The following PIP4P2 variants were observed in gnomAD, a reference collection of about 807,000 sequenced individuals.
The protein encoded by PIP4P2 is phosphatidylinositol-4,5-bisphosphate 4-phosphatase 2, also known as type 2 phosphatidylinositol 4,5-bisphosphate 4-phosphatase.
Under a neutral mutation model 33.3 loss-of-function variants are expected in PIP4P2, and 19 were observed. That is an observed-to-expected ratio of 0.57 (90% CI 0.40 to 0.84). The LOEUF (loss-of-function observed/expected upper bound fraction) is 0.84. PIP4P2 is among the 40% of genes least tolerant of loss of function. The pLI, the probability that PIP4P2 is intolerant of heterozygous loss-of-function variation, is 0.00. For missense variants in PIP4P2, 270 were observed against 324.7 expected (o/e 0.83, Z 1.29); for synonymous variants, 110 against 111.9 (o/e 0.98, Z 0.11).
intron 1 of PIP4P2, among the ~76,000 whole-genome samples, chr8:91,025,867 C>A (rs989977787): frequency 6.6e-6 from 1 of 152,190 alleles, no homozygotes. Flanking sequence ...TGTCACACTT[C>A]TCCAGTTCAG....
chr8:91,011,019 G>GAGATAGATGATAGAT (rs5893155), intron 4 of PIP4P2, among the ~76,000 whole-genome samples: 12 of 145,276 alleles, frequency 8.3e-5, no homozygotes, highest in African/African-American at 2.6e-4. Flanking sequence ...GTATCTTACT[G>GAGATAGATGATAGAT]AGATAGATAG....
chr8:91,003,924 T>C (rs1811732322), intron 5 of PIP4P2, among the ~76,000 whole-genome samples: 2 of 149,394 alleles, frequency 1.3e-5, no homozygotes. Flanking sequence ...TAGTCAGGGT[T>C]CTCCAGAAAG....
chr8:91,013,803 G>C (rs1811871939), intron 4 of PIP4P2, among the ~76,000 whole-genome samples: 1 of 152,114 alleles, frequency 6.6e-6, no homozygotes, highest in African/African-American at 2.4e-5. Context: ...CAAAGCACTG[G>C]AATATCAGGG....
intron 5 of PIP4P2, 35 bp from the exon 6 acceptor site, chr8:90,996,779 T>C (rs1323490365): frequency 1.3e-6 from 2 of 1,518,002 alleles, no homozygotes; most frequent in African/African-American, 1.4e-5. Flanking sequence ...GAACATTAAG[T>C]ATTTACATAA....
At position 91,003,106 on chromosome 8, in the gene PIP4P2, A is replaced by G. The variant is rs562265739; in HGVS notation, c.539+5637T>C. ...ACTAAATATACAAACCTAAAATAACAATGGAAATTGTACCTCTTCGGGTTG... is the reference window on the plus strand; with the variant it reads ...ACTAAATATACAAACCTAAAATAACGATGGAAATTGTACCTCTTCGGGTTG... On this transcript the variant is annotated intron_variant, in intron 5 of 6. Coordinates refer to ENST00000285419, the MANE Select transcript of PIP4P2 (RefSeq NM_018710.3). 7.4e-4 allele frequency among the ~76,000 whole-genome samples: 112 copies of G among 152,318 alleles called. 1 individual carries two copies. Among genetic ancestry groups the G allele is most frequent in the Admixed American group, 1.1e-3 (17 of 15,280 alleles).
chr8:91,011,230 A>G (rs1164985087), intron 4 of PIP4P2, among the ~76,000 whole-genome samples: 2 of 152,072 alleles, frequency 1.3e-5, no homozygotes, highest in Non-Finnish European at 2.9e-5. Flanking sequence ...GTTAGAACTA[A>G]GTTGTGTTCA....
rs201695293 is a variant in PIP4P2, at chr8:90,999,680, C to G, written c.540-2936G>C. 1.1e-4 allele frequency among the ~76,000 whole-genome samples: 16 copies of G among 152,216 alleles called. No individual in the cohort carries two copies. The East Asian group carries it at 3.1e-3, about 29-fold the overall frequency. On this transcript the variant is annotated intron_variant, in intron 5 of 6. Transcript: ENST00000285419. ...AAAAGGAAGGAGAAAACAGCAGTCT[C>G]TGTTATTTTAATTGATATTAACATT...
In PIP4P2 at chr8:90,997,560, C is replaced by A. The variant is rs115279256; in HGVS notation, c.540-816G>T. Among the ~76,000 whole-genome samples the A allele has an allele frequency of 1.7e-3, 259 of 152,184 alleles. 1 individual carries two copies. Among genetic ancestry groups the A allele is most frequent in the African/African-American group, 6.1e-3 (252 of 41,554 alleles). On this transcript the variant is annotated intron_variant, in intron 5 of 6. Transcript: ENST00000285419. ...TTGAAATTCCAAATCTAATAGTATT[C>A]ACCCTCTCTGTATCTAATTGTGGTA...
chr8:91,019,709 G>A (rs1219969383), intron 3 of PIP4P2, among the ~76,000 whole-genome samples: 1 of 151,860 alleles, frequency 6.6e-6, no homozygotes, highest in African/African-American at 2.4e-5. Flanking sequence ...AAGTAACTGG[G>A]AATATAGGTG....
At chr8:91,007,483 T>C (rs942024250) in intron 5 of PIP4P2, among the ~76,000 whole-genome samples, 2 of 152,200 alleles carry the variant, frequency 1.3e-5, no homozygotes, top group Admixed American at 6.5e-5. Context: ...TCACACAAAT[T>C]AAAATATGAA....
intron 5 of PIP4P2, among the ~76,000 whole-genome samples, chr8:91,004,466 C>T (rs182446792): frequency 1.4e-4 from 21 of 152,268 alleles, no homozygotes; most frequent in Admixed American, 5.2e-4. Context: ...TTAGACATTC[C>T]TTAATCCAGT....
intron 1 of PIP4P2, among the ~76,000 whole-genome samples, chr8:91,029,479 C>T (rs1812129301): frequency 6.6e-6 from 1 of 152,132 alleles, no homozygotes; most frequent in Non-Finnish European, 1.5e-5. Context: ...TTCCCACATT[C>T]CTCCAGCAAC....
At chr8:91,008,201 A>C (rs1475655111) in intron 5 of PIP4P2, among the ~76,000 whole-genome samples, 1 of 152,198 alleles carries the variant, frequency 6.6e-6, no homozygotes, top group Non-Finnish European at 1.5e-5. Flanking sequence ...AATGTCTTTA[A>C]TCAAAATATC....
intron 1 of PIP4P2, among the ~76,000 whole-genome samples, chr8:91,034,156 C>G (rs1297805276): frequency 2.6e-5 from 4 of 152,044 alleles, no homozygotes; most frequent in Non-Finnish European, 5.9e-5. Flanking sequence ...TTTTCTTCAC[C>G]CTCTGAAATT....
intron 4 of PIP4P2, among the ~76,000 whole-genome samples, chr8:91,014,996 T>C (rs1811894425): frequency 6.6e-6 from 1 of 152,026 alleles, no homozygotes; most frequent in Non-Finnish European, 1.5e-5. Flanking sequence ...CCTTCCCCAA[T>C]ATATTAAGAG....
intron 3 of PIP4P2, among the ~76,000 whole-genome samples, chr8:91,019,335 G>A (rs532348818): frequency 7.6e-6 from 1 of 131,832 alleles, no homozygotes; most frequent in African/African-American, 2.9e-5. Context: ...CAGCACTTTG[G>A]GATCACTTGA....
chr8:91,020,097 T>C (rs2130369185), intron 3 of PIP4P2, 60 bp downstream of exon 3: 1 of 1,529,594 alleles, frequency 6.5e-7, no homozygotes, highest in South Asian at 1.1e-5. Flanking sequence ...GAAGAACCTT[T>C]AGTAAATACT....
chr8:91,009,457 C>T (rs1811802767), intron 4 of PIP4P2, among the ~76,000 whole-genome samples: 1 of 151,994 alleles, frequency 6.6e-6, no homozygotes, highest in South Asian at 2.1e-4. Context: ...AAATCTTTAT[C>T]CCATGAAATA....
At chr8:91,015,359 G>A (rs987761507) in intron 4 of PIP4P2, among the ~76,000 whole-genome samples, 1 of 152,066 alleles carries the variant, frequency 6.6e-6, no homozygotes, top group African/African-American at 2.4e-5. Context: ...GGAGGGAGAG[G>A]ACGAGGAGGA....
Sources: allele counts gnomAD v4.1 joint callset (sites outside exome capture counted in the v4.1 genomes callset), GRCh38; gene constraint gnomAD v4.1.1; transcripts MANE v1.5; gene names NCBI Gene and HGNC (gene_info 2026-07-23, HGNC 2026-07-21).